Variants in ACSL6 observed in about 807,000 individuals in gnomAD.
The protein encoded by ACSL6 is acyl-CoA synthetase long chain family member 6.
Under a neutral mutation model 98.2 loss-of-function variants are expected in ACSL6, and 47 were observed. The observed-to-expected ratio is 0.48, with a 90% CI of 0.38 to 0.61. The LOEUF (loss-of-function observed/expected upper bound fraction) is 0.61. Ranked by LOEUF, ACSL6 falls within the 20% of genes least tolerant of loss-of-function variation. ACSL6 has a pLI of 0.00. For missense variants in ACSL6, 761 were observed against 913.4 expected (o/e 0.83, Z 2.15); for synonymous variants, 362 against 336.9 (o/e 1.07, Z -0.82).
chr5:132,003,530 G>A (rs1358066893), intron 1 of ACSL6: 1 of 152,272 alleles, frequency 6.6e-6, no homozygotes, highest in Non-Finnish European at 1.5e-5. Flanking sequence ...CTGCTGGCAG[G>A]AGGGCATCAC....
chr5:131,976,846 G>T, intron 9 of ACSL6, 125 bp from the exon 10 acceptor site: 1 of 758,038 alleles, frequency 1.3e-6, no homozygotes. Context: ...TTTGTCTTCA[G>T]CCACCTTTAG....
chr5:131,964,617 G>A (rs1040175760), intron 17 of ACSL6, among the ~76,000 whole-genome samples: 1 of 152,186 alleles, frequency 6.6e-6, no homozygotes, highest in African/African-American at 2.4e-5. Flanking sequence ...ACAATATTGA[G>A]GGCCCTTTCT....
At position 131,959,415 on chromosome 5, in the gene ACSL6, A is replaced by C; in HGVS notation, c.2031+121T>G. Reference sequence around the variant, plus strand: ...CAGGCCTTCAGGGGTCCATTGGTACACAGCCTGCTGGCGGGCCACACCATG... The same window carrying C: ...CAGGCCTTCAGGGGTCCATTGGTACCCAGCCTGCTGGCGGGCCACACCATG... On this transcript the variant is annotated intron_variant, in intron 20 of 20. Transcript: ENST00000651883. 2.8e-6 allele frequency: 3 copies of C among 1,079,418 alleles called. No individual in the cohort carries two copies. In the South Asian group the frequency reaches 4.3e-5, roughly 16 times the overall value. The allele number at this position is 1,079,418 out of a possible 1,614,324, so 66.9% of individuals were successfully genotyped here.
intron 14 of ACSL6, 51 bp from the exon 15 acceptor site, chr5:131,970,251 T>G (rs373139798): frequency 8.9e-5 from 140 of 1,565,142 alleles, no homozygotes; most frequent in Non-Finnish European, 1.2e-4. Context: ...CTCCAAGAGC[T>G]AACTGGCCAC....
Position 131,950,913 on chromosome 5 carries a change from A to G in ACSL6, c.*3321T>C, listed in dbSNP as rs750717886. On this transcript the variant is annotated 3_prime_UTR_variant, in exon 21 of 21. Transcript: ENST00000651883. Reference sequence around the variant, plus strand: ...TAGAATGAAAGCATGACTTGCATAAATGAAGGAGACATAAAATGTTTAATC... The same window carrying G: ...TAGAATGAAAGCATGACTTGCATAAGTGAAGGAGACATAAAATGTTTAATC... 17 of 190,162 alleles carry G rather than the reference A, an allele frequency of 8.9e-5. No individual in the cohort carries two copies. The highest frequency in any genetic ancestry group is 1.9e-4 in the Non-Finnish European group (17 of 90,600). The allele number at this position is 190,162 out of a possible 1,614,324, so 11.8% of individuals were successfully genotyped here. A position where few individuals can be genotyped will look rare whatever the true frequency, so the allele number is the denominator to read the frequency against.
chr5:131,991,191 G>A (rs1229059503), intron 2 of ACSL6, among the ~76,000 whole-genome samples: 1 of 152,146 alleles, frequency 6.6e-6, no homozygotes, highest in Non-Finnish European at 1.5e-5. Flanking sequence ...CATGCATAAA[G>A]GCCGGGTATA....
chr5:131,992,130 T>G (rs139923051), intron 2 of ACSL6, among the ~76,000 whole-genome samples: 214 of 152,118 alleles, frequency 1.4e-3, no homozygotes, highest in Non-Finnish European at 2.4e-3. Context: ...GAGGAGGGAA[T>G]AGCAACCCTG....
chr5:131,995,499 C>T (rs908093779), intron 1 of ACSL6, among the ~76,000 whole-genome samples: 20 of 152,078 alleles, frequency 1.3e-4, no homozygotes, highest in South Asian at 6.2e-4. Context: ...TGTACCACCC[C>T]GAGGCACCCT....
At chr5:131,999,517 T>C (rs1754964642) in intron 1 of ACSL6, 1 of 152,188 alleles carries the variant, frequency 6.6e-6, no homozygotes, top group African/African-American at 2.4e-5. Flanking sequence ...AGTTACCACA[T>C]CTTGATCAAA....
At chr5:132,006,062 C>T (rs1161898967) in intron 1 of ACSL6, among the ~76,000 whole-genome samples, 1 of 152,236 alleles carries the variant, frequency 6.6e-6, no homozygotes, top group Non-Finnish European at 1.5e-5. Flanking sequence ...TCTCGGAACA[C>T]AAGCTTAAAT....
At chr5:132,007,290 G>A (rs1046272458) in intron 1 of ACSL6, among the ~76,000 whole-genome samples, 6 of 152,190 alleles carry the variant, frequency 3.9e-5, no homozygotes, top group African/African-American at 1.4e-4. Context: ...CCCACCTCTG[G>A]CAACCTCACT....
intron 1 of ACSL6, among the ~76,000 whole-genome samples, chr5:132,004,070 G>C (rs999825952): frequency 8.5e-5 from 13 of 152,144 alleles, no homozygotes; most frequent in Non-Finnish European, 1.9e-4. Context: ...TGTGTCCTCT[G>C]CCTGGTGCCC....
At chr5:132,004,073 T>C (rs1755245784) in intron 1 of ACSL6, among the ~76,000 whole-genome samples, 1 of 152,150 alleles carries the variant, frequency 6.6e-6, no homozygotes, top group Admixed American at 6.5e-5. Flanking sequence ...GTCCTCTGCC[T>C]GGTGCCCACA....
chr5:131,975,235 A>T, intron 10 of ACSL6: 1 of 1,335,974 alleles, frequency 7.5e-7, no homozygotes, highest in African/African-American at 1.5e-5. Context: ...TCGCAGCGTC[A>T]GTGGGTCTAG....
intron 13 of ACSL6, 145 bp downstream of exon 13, chr5:131,972,579 C>T: frequency 1.9e-6 from 2 of 1,046,924 alleles, no homozygotes; most frequent in Non-Finnish European, 2.7e-6. Flanking sequence ...AAATTTCAAT[C>T]ATAGCTTAAG....
At chr5:131,987,867 T>C (rs950975787) in intron 7 of ACSL6, among the ~76,000 whole-genome samples, 181 bp downstream of exon 7, 2 of 152,110 alleles carry the variant, frequency 1.3e-5, no homozygotes, top group African/African-American at 4.8e-5. Context: ...AGAGGATGCC[T>C]GTGGGCACCA....
At chr5:132,000,144 C>A (rs1159665492) in intron 1 of ACSL6, among the ~76,000 whole-genome samples, 1 of 152,000 alleles carries the variant, frequency 6.6e-6, no homozygotes, top group Admixed American at 6.6e-5. Context: ...CTCCCCACCC[C>A]CACAAGGTCA....
intron 10 of ACSL6, among the ~76,000 whole-genome samples, chr5:131,976,418 A>AC (rs1455441532): frequency 6.6e-6 from 1 of 152,188 alleles, no homozygotes; most frequent in African/African-American, 2.4e-5. Context: ...TACTCCCAGA[A>AC]ATCAACTGAA....
At chr5:131,991,910 G>C (rs1371454046) in intron 2 of ACSL6, among the ~76,000 whole-genome samples, 1 of 152,156 alleles carries the variant, frequency 6.6e-6, no homozygotes, top group Non-Finnish European at 1.5e-5. Flanking sequence ...GTTCTGATTG[G>C]CCAGTGCTTT....
Sources: gnomAD v4.1 joint callset for allele counts (sites outside exome capture counted in the v4.1 genomes callset) on GRCh38, gnomAD v4.1.1 for gene constraint, MANE v1.5 for transcripts, NCBI Gene and HGNC (gene_info 2026-07-23, HGNC 2026-07-21) for gene names.